The following LYN variants were observed in gnomAD, a reference collection of about 807,000 sequenced individuals.
LYN encodes the protein LYN proto-oncogene, Src family tyrosine kinase, also known as tyrosine-protein kinase Lyn.
A neutral mutation model predicts 65.0 loss-of-function variants in LYN; 12 were observed. That is an observed-to-expected ratio of 0.18 (90% CI 0.12 to 0.30). The LOEUF is 0.30. LYN is among the 10% of genes least tolerant of loss of function. LYN has a pLI of 1.00. For synonymous variants in LYN, 222 were observed against 221.2 expected, an observed-to-expected ratio of 1.00 and a Z score of -0.03; for missense variants, 380 against 623.2, an observed-to-expected ratio of 0.61 and a Z score of 4.16.
chr8:55,917,118 G>T (rs1805799226), intron 1 of LYN, among the ~76,000 whole-genome samples: 1 of 151,606 alleles, frequency 6.6e-6, no homozygotes, highest in African/African-American at 2.4e-5. Context: ...CGAGGCTGCA[G>T]TGAGCCAAGA....
At chr8:55,965,798 C>A (rs1308890350) in intron 8 of LYN, among the ~76,000 whole-genome samples, 1 of 151,610 alleles carries the variant, frequency 6.6e-6, no homozygotes, top group African/African-American at 2.4e-5. Flanking sequence ...TTTTTTTGGT[C>A]TTGAATAAAG....
chr8:55,958,981 G>C (rs1327500420), intron 8 of LYN, among the ~76,000 whole-genome samples: 1 of 152,172 alleles, frequency 6.6e-6, no homozygotes, highest in Admixed American at 6.5e-5. Context: ...TCCAGAAGTG[G>C]AATGGCTGGA....
At chr8:55,899,963 A>C (rs1402370402) in intron 1 of LYN, among the ~76,000 whole-genome samples, 2 of 152,150 alleles carry the variant, frequency 1.3e-5, no homozygotes, top group Admixed American at 1.3e-4. Context: ...TTCTGCAGAT[A>C]AGTAAAGATG....
intron 12 of LYN, among the ~76,000 whole-genome samples, chr8:56,007,508 T>A (rs1228399405): frequency 2.0e-5 from 3 of 152,270 alleles, no homozygotes; most frequent in African/African-American, 7.2e-5. Flanking sequence ...ATTTGCTGTA[T>A]AAATTCTCAA....
intron 10 of LYN, among the ~76,000 whole-genome samples, chr8:55,978,301 T>TGAGG: frequency 6.6e-6 from 1 of 152,110 alleles, no homozygotes; most frequent in Non-Finnish European, 1.5e-5. Flanking sequence ...AGTCCAGGGA[T>TGAGG]GAGGGAGGGA....
chr8:55,890,117 CAAAAAAAA>C (rs34706733), intron 1 of LYN, among the ~76,000 whole-genome samples: 4 of 79,092 alleles, frequency 5.1e-5, no homozygotes, highest in South Asian at 5.3e-4. Flanking sequence ...CCTCTATAGA[CAAAAAAAA>C]AAAAAAAAAA....
At chr8:55,911,134 CAT>C (rs1491541724) in intron 1 of LYN, among the ~76,000 whole-genome samples, 1 of 12,134 alleles carries the variant, frequency 8.2e-5, no homozygotes, top group African/African-American at 4.9e-4. Flanking sequence ...TATACACATA[CAT>C]ATATATACGT....
intron 10 of LYN, among the ~76,000 whole-genome samples, chr8:55,977,956 TA>T: frequency 6.6e-6 from 1 of 152,114 alleles, no homozygotes; most frequent in Admixed American, 6.5e-5. Context: ...AGCTCGTCTC[TA>T]AAGGGTACAC....
At chr8:55,896,940 A>T (rs576566110) in intron 1 of LYN, among the ~76,000 whole-genome samples, 5 of 152,276 alleles carry the variant, frequency 3.3e-5, no homozygotes, top group Admixed American at 2.0e-4. Flanking sequence ...GGGTTTTGCC[A>T]TGTTGGCCAG....
chr8:55,953,897 T>C lies in LYN; in HGVS notation c.703T>C (p.Trp235Arg). Residue 235 changes from tryptophan (W) to arginine (R), a missense_variant, in exon 8 of 13, where the codon TGG (tryptophan) becomes CGG (arginine). This residue lies in a region of LYN where 223 missense variants were observed against 430.0 expected (regional missense o/e 0.52). Transcript: ENST00000519728. ...ACISPKPQKP[W>R]DKDAWEIPRE... is the part of the protein sequence containing the mutation. ...TATTAGTCCCAAGCCACAGAAGCCA[T>C]GGGATAAAGATGCCTGGGAGATCCC... 6.2e-7 allele frequency: 1 copy of C among 1,614,078 alleles called. No individual in the cohort carries two copies.
intron 8 of LYN, among the ~76,000 whole-genome samples, chr8:55,966,035 G>A (rs78850242): frequency 6.6e-6 from 1 of 152,090 alleles, no homozygotes; most frequent in African/African-American, 2.4e-5. Flanking sequence ...TCAGGCATAA[G>A]AATCGCTTGA....
At chr8:55,894,999 G>T (rs957428761) in intron 1 of LYN, among the ~76,000 whole-genome samples, 3 of 151,212 alleles carry the variant, frequency 2.0e-5, no homozygotes, top group African/African-American at 7.3e-5. Flanking sequence ...TTTTTGTATA[G>T]TTGGGGATCT....
Position 55,880,046 on chromosome 8 carries a change from C to T in LYN, c.-63C>T, listed in dbSNP as rs922046761. ...TGCTGGGCCGCCCCGTCGCGCCCCC[C>T]ACTCTGAACTCAAGTCACCGTGGAG... On this transcript the variant is annotated 5_prime_UTR_variant, in exon 1 of 13. Transcript: ENST00000519728. The T allele has an allele frequency of 1.3e-5, 4 of 312,462 alleles. No homozygotes were observed. The highest frequency in any genetic ancestry group is 4.0e-4 in the Middle Eastern group (1 of 2,524). 19.4% of individuals were successfully genotyped at this position (312,462 alleles called of 1,614,324 possible). A position where few individuals can be genotyped will look rare whatever the true frequency, so the allele number is the denominator to read the frequency against.
rs373319149 is a variant in LYN, at chr8:55,981,621, GC to G, written c.1050+11829del. Among the ~76,000 whole-genome samples, 55 of 152,270 alleles carry G rather than the reference GC, an allele frequency of 3.6e-4. No homozygotes were observed. In the East Asian group the frequency reaches 5.2e-3, roughly 14 times the overall value. Reference sequence around the variant, plus strand: ...TCCTCCCACCTCTGCCTCCCAAAGTGCTGGGATTATAGGTGTGAGCCACCGT... The same window carrying G: ...TCCTCCCACCTCTGCCTCCCAAAGTGTGGGATTATAGGTGTGAGCCACCGT... On this transcript the variant is annotated intron_variant, in intron 10 of 12. Coordinates refer to ENST00000519728, the MANE Select transcript of LYN (RefSeq NM_002350.4).
At chr8:55,891,261 A>G (rs1804953883) in intron 1 of LYN, among the ~76,000 whole-genome samples, 1 of 151,910 alleles carries the variant, frequency 6.6e-6, no homozygotes, top group South Asian at 2.1e-4. Context: ...CTGAGGCAGA[A>G]GAATCACTTG....
chr8:56,009,358 T>G (rs563122148), intron 12 of LYN, among the ~76,000 whole-genome samples: 90 of 152,340 alleles, frequency 5.9e-4, no homozygotes, highest in Non-Finnish European at 1.1e-3. Context: ...ATTTATTTAT[T>G]GAGTTGCTTG....
chr8:55,911,147 GTA>G (rs569915667), intron 1 of LYN, among the ~76,000 whole-genome samples: 4,995 of 25,790 alleles, frequency 0.19, 2,124 homozygotes, highest in African/African-American at 0.64. Flanking sequence ...ATATATACGT[GTA>G]TATATATGTA....
chr8:55,930,861 A>G (rs981841721), intron 1 of LYN, among the ~76,000 whole-genome samples: 1 of 151,570 alleles, frequency 6.6e-6, no homozygotes, highest in Non-Finnish European at 1.5e-5. Context: ...TTTACCTCAC[A>G]CTGAAGCCCC....
chr8:55,970,118 T>C (rs1025490654), intron 10 of LYN, among the ~76,000 whole-genome samples: 1 of 152,224 alleles, frequency 6.6e-6, no homozygotes, highest in Non-Finnish European at 1.5e-5. Context: ...TTCCATGCTA[T>C]GTAAGCACAG....
Sources: allele counts gnomAD v4.1 joint callset (sites outside exome capture counted in the v4.1 genomes callset), GRCh38; gene constraint gnomAD v4.1.1; regional missense constraint gnomAD v4.1.1; transcripts MANE v1.5; gene names NCBI Gene and HGNC (gene_info 2026-07-23, HGNC 2026-07-21).